OR52B4: variants seen among roughly 807,000 people sequenced by gnomAD.
The protein encoded by OR52B4 is olfactory receptor family 52 subfamily B member 4.
For missense variants in OR52B4, 450 were observed against 387.0 expected (o/e 1.16, Z -1.36); for synonymous variants, 182 against 142.3 (o/e 1.28, Z -1.98).
Position 4,368,091 on chromosome 11 carries a change from C to A in OR52B4, c.205G>T (p.Ala69Ser). The A allele has an allele frequency of 6.2e-7, 1 of 1,613,926 alleles. No individual in the cohort carries two copies. Among genetic ancestry groups the A allele is most frequent in the Non-Finnish European group, 8.5e-7 (1 of 1,179,964 alleles). ...EPMYLFLCML[A>S]GADIVLSTCT... ...GTGGAGAGGACAATGTCTGCTCCAGCCAGCATGCAGAGGAAGAGGTACATG... is the reference window on the plus strand; with the variant it reads ...GTGGAGAGGACAATGTCTGCTCCAGACAGCATGCAGAGGAAGAGGTACATG... Residue 69 changes from alanine (A) to serine (S), a missense_variant, in exon 1 of 1, where the codon GCT (alanine) becomes TCT (serine). Coordinates refer to ENST00000624801, the MANE Select transcript of OR52B4 (RefSeq NM_001005161.3).
rs2094935838 is a variant in OR52B4, at chr11:4,367,393, G to T, written c.903C>A (p.Ile301=). The T allele has an allele frequency of 6.2e-7, 1 of 1,609,188 alleles. No individual in the cohort carries two copies. The highest frequency in any genetic ancestry group is 1.3e-5 in the African/African-American group (1 of 74,762). ...PIIYGIKTKQ[I]QEQVVQFLFI... ...ACAAAAACTGAACCACCTGTTCCTGGATTTGCTTGGTTTTGATCCCATAAA... is the reference window on the plus strand; with the variant it reads ...ACAAAAACTGAACCACCTGTTCCTGTATTTGCTTGGTTTTGATCCCATAAA... The change falls in exon 1 of 1, where the codon ATC becomes ATA. Residue 301 remains isoleucine (I), a synonymous_variant. Coordinates refer to ENST00000624801, the MANE Select transcript of OR52B4 (RefSeq NM_001005161.3).
At position 4,367,635 on chromosome 11, in the gene OR52B4, T is replaced by C. The variant is rs2094936203; in HGVS notation, c.661A>G (p.Met221Val). 6.2e-7 allele frequency: 1 copy of C among 1,613,914 alleles called. No homozygotes were observed. Among genetic ancestry groups the C allele is most frequent in the African/African-American group, 1.3e-5 (1 of 74,896 alleles). The part of the protein sequence containing the change: ...LDVVLIFISY[M>V]LILHAVFHMP... ...TGGAAGACAGCATGGAGAATCAGCA[T>C]ATAGGAAATAAAAATTAGTACAACA... Residue 221 changes from methionine (M) to valine (V), a missense_variant, in exon 1 of 1, where the codon ATG becomes GTG. Transcript: ENST00000624801.
rs61732898 is a variant in OR52B4, at chr11:4,367,649, A to G, written c.647T>C (p.Ile216Thr). The G allele has an allele frequency of 1.5e-3, 2,476 of 1,614,020 alleles. 41 individuals carry two copies. The African/African-American group carries it at 0.029, about 19-fold the overall frequency. ...GAGAATCAGCATATAGGAAATAAAA[A>G]TTAGTACAACATCTAAGACCACCGT... The part of the protein sequence containing the change: ...MSTVVLDVVL[I>T]FISYMLILHA... Residue 216 changes from isoleucine (I) to threonine (T), a missense_variant, in exon 1 of 1, where the codon ATT (isoleucine) becomes ACT (threonine). Physicochemically the swap from Ile to Thr is moderately conservative, Grantham distance 89. Coordinates refer to ENST00000624801, the MANE Select transcript of OR52B4 (RefSeq NM_001005161.3).
chr11:4,367,538 A>T lies in OR52B4; in HGVS notation c.758T>A (p.Phe253Tyr), dbSNP rs1436016189. ...GATTGTGAAGATGCCAGACCCATAA[A>T]AGAGGATGATGATGCAGACATGGGA... is the stretch of plus-strand genomic sequence containing the variant. The part of the protein sequence containing the change: ...FGSHVCIIIL[F>Y]YGSGIFTILT... Residue 253 changes from phenylalanine to tyrosine, a missense_variant, in exon 1 of 1, where the codon TTT (phenylalanine) becomes TAT (tyrosine). Coordinates refer to ENST00000624801, the MANE Select transcript of OR52B4 (RefSeq NM_001005161.3). 9.9e-6 allele frequency: 16 copies of T among 1,613,926 alleles called. No homozygotes were observed. The highest frequency in any genetic ancestry group is 2.7e-5 in the African/African-American group (2 of 74,902).
In OR52B4 at chr11:4,367,725, A is replaced by G; in HGVS notation, c.571T>C (p.Cys191Arg). The G allele has an allele frequency of 4.3e-6, 7 of 1,613,880 alleles. No homozygotes were observed. The highest frequency in any genetic ancestry group is 2.2e-5 in the South Asian group (2 of 91,080). ...CEHIGLAKYA[C>R]NDIRINIWYG... Reference sequence around the variant, plus strand: ...CAAATGTTTATTCGAATGTCATTACATGCATATTTGGCTAGGCCAATGTGT... The same window carrying G: ...CAAATGTTTATTCGAATGTCATTACGTGCATATTTGGCTAGGCCAATGTGT... The change falls in exon 1 of 1, where the codon TGT becomes CGT. Residue 191 changes from cysteine to arginine, a missense_variant. Transcript: ENST00000624801.
In OR52B4 at chr11:4,368,114, A is replaced by C. The variant is rs375237440; in HGVS notation, c.182T>G (p.Met61Arg). 43 of 1,614,046 alleles carry C rather than the reference A, an allele frequency of 2.7e-5. No individual in the cohort carries two copies. The African/African-American group carries it at 5.7e-4, about 22-fold the overall frequency. The change falls in exon 1 of 1, where the codon ATG (methionine) becomes AGG (arginine). Residue 61 changes from methionine to arginine, a missense_variant. Transcript: ENST00000624801. ...AGCCAGCATGCAGAGGAAGAGGTAC[A>C]TGGGTTCATGGAGGCTGCGCTTTGT... ...ILTKRSLHEPMYLFLCMLAGA... is the reference protein window; with the variant it reads ...ILTKRSLHEPRYLFLCMLAGA...
Position 4,367,495 on chromosome 11 carries a change from T to C in OR52B4, c.801A>G (p.Gly267=), listed in dbSNP as rs1290578748. ...TGTGGATACAAGGTGGAATGTGGCG[T>C]CCAAACCTCTGGGTAAGGATTGTGA... ...GIFTILTQRF[G]RHIPPCIHIP... The change falls in exon 1 of 1, where the codon GGA becomes GGG. Residue 267 remains glycine (G), a synonymous_variant. Transcript: ENST00000624801. The C allele has an allele frequency of 1.2e-6, 2 of 1,613,876 alleles. No homozygotes were observed. Among genetic ancestry groups the C allele is most frequent in the East Asian group, 4.5e-5 (2 of 44,872 alleles).
chr11:4,368,272 G>A lies in OR52B4; in HGVS notation c.24C>T (p.Gly8=). The A allele has an allele frequency of 6.2e-7, 1 of 1,610,758 alleles. No individual in the cohort carries two copies. Among genetic ancestry groups the A allele is most frequent in the East Asian group, 2.2e-5 (1 of 44,830 alleles). ...GCAAGTGGAAGACTGTGTGGCTAGT[G>A]CCACTGTGGTTTACAGTAGGCATAG... The part of the protein sequence containing the change: MPTVNHS[G]TSHTVFHLLG... Residue 8 remains glycine, a synonymous_variant, in exon 1 of 1, where the codon GGC becomes GGT. Coordinates refer to ENST00000624801, the MANE Select transcript of OR52B4 (RefSeq NM_001005161.3).
Position 4,367,298 on chromosome 11 carries a change from T to C in OR52B4, c.*53A>G. 2.6e-6 allele frequency: 3 copies of C among 1,173,878 alleles called. No homozygotes were observed. The highest frequency in any genetic ancestry group is 1.5e-5 in the African/African-American group (1 of 65,584). The allele number at this position is 1,173,878 out of a possible 1,614,324, so 72.7% of individuals were successfully genotyped here. On this transcript the variant is annotated 3_prime_UTR_variant, in exon 1 of 1. Coordinates refer to ENST00000624801, the MANE Select transcript of OR52B4 (RefSeq NM_001005161.3). ...TGACCTCTCCCATCTACCACTTTCA[T>C]ACCCACTTACCAGATAGCTAGAGAT... is the stretch of plus-strand genomic sequence containing the variant.
At position 4,367,408 on chromosome 11, in the gene OR52B4, G is replaced by C. The variant is rs767995535; in HGVS notation, c.888C>G (p.Ile296Met). Residue 296 changes from isoleucine to methionine, a missense_variant, in exon 1 of 1, where the codon ATC (isoleucine) becomes ATG (methionine). Physicochemically the swap from Ile to Met is conservative, Grantham distance 10. Transcript: ENST00000624801. The stretch of plus-strand genomic sequence containing the variant: ...CCTGTTCCTGGATTTGCTTGGTTTT[G>C]ATCCCATAAATAATGGGATTCAGCA... Reference protein sequence around the residue: ...PPMLNPIIYGIKTKQIQEQVV... With the variant: ...PPMLNPIIYGMKTKQIQEQVV... 6.2e-6 allele frequency: 10 copies of C among 1,613,180 alleles called. No homozygotes were observed. Among genetic ancestry groups the C allele is most frequent in the Non-Finnish European group, 5.1e-6 (6 of 1,179,460 alleles).
In OR52B4 at chr11:4,367,709, A is replaced by G; in HGVS notation, c.587T>C (p.Ile196Thr). ...LAKYACNDIR[I>T]NIWYGFSILM... is the part of the protein sequence containing the mutation. ...AATGGAAAACCCATACCAAATGTTTATTCGAATGTCATTACATGCATATTT... is the reference window on the plus strand; with the variant it reads ...AATGGAAAACCCATACCAAATGTTTGTTCGAATGTCATTACATGCATATTT... Residue 196 changes from isoleucine (I) to threonine (T), a missense_variant, in exon 1 of 1, where the codon ATA (isoleucine) becomes ACA (threonine). By Grantham distance (89) the Ile-to-Thr change is moderately conservative (BLOSUM62 -1). Transcript: ENST00000624801. 2.5e-6 allele frequency: 4 copies of G among 1,613,912 alleles called. No individual in the cohort carries two copies. Among genetic ancestry groups the G allele is most frequent in the Non-Finnish European group, 3.4e-6 (4 of 1,179,820 alleles).
In OR52B4 at chr11:4,367,952, C is replaced by T. The variant is rs752989984; in HGVS notation, c.344G>A (p.Gly115Glu). ...FIHSTFISESGILLVMAFDHY... is the reference protein window; with the variant it reads ...FIHSTFISESEILLVMAFDHY... ...GTCAAAGGCCATCACCAGCAAGATCCCTGACTCAGAGATGAAGGTGGAATG... is the reference window on the plus strand; with the variant it reads ...GTCAAAGGCCATCACCAGCAAGATCTCTGACTCAGAGATGAAGGTGGAATG... The change falls in exon 1 of 1, where the codon GGG becomes GAG. Residue 115 changes from glycine to glutamate, a missense_variant. Gly to Glu is a moderately conservative substitution (Grantham distance 98). Coordinates refer to ENST00000624801, the MANE Select transcript of OR52B4 (RefSeq NM_001005161.3). The T allele has an allele frequency of 3.1e-6, 5 of 1,613,664 alleles. No individual in the cohort carries two copies. Among genetic ancestry groups the T allele is most frequent in the Non-Finnish European group, 2.5e-6 (3 of 1,179,826 alleles).
chr11:4,367,746 T>C lies in OR52B4; in HGVS notation c.550A>G (p.Ile184Val), dbSNP rs1275758164. Residue 184 changes from isoleucine to valine, a missense_variant, in exon 1 of 1, where the codon ATT (isoleucine) becomes GTT (valine). Physicochemically the swap from Ile to Val is conservative, Grantham distance 29. Transcript: ENST00000624801. ...TTACATGCATATTTGGCTAGGCCAA[T>C]GTGTTCACAAAAGGTGTGTGGAATA... Reference protein sequence around the residue: ...NIIPHTFCEHIGLAKYACNDI... With the variant: ...NIIPHTFCEHVGLAKYACNDI... 5.0e-6 allele frequency: 8 copies of C among 1,613,996 alleles called. No individual in the cohort carries two copies. Among genetic ancestry groups the C allele is most frequent in the African/African-American group, 1.3e-5 (1 of 75,034 alleles).
rs750202539 is a variant in OR52B4, at chr11:4,367,542, G to A, written c.754C>T (p.Leu252Phe). ...GTGAAGATGCCAGACCCATAAAAGAGGATGATGATGCAGACATGGGAGCCA... is the reference window on the plus strand; with the variant it reads ...GTGAAGATGCCAGACCCATAAAAGAAGATGATGATGCAGACATGGGAGCCA... ...TFGSHVCIII[L>F]FYGSGIFTIL... Residue 252 changes from leucine (L) to phenylalanine (F), a missense_variant, in exon 1 of 1, where the codon CTC becomes TTC. Physicochemically the swap from Leu to Phe is conservative, Grantham distance 22 (BLOSUM62 0). Transcript: ENST00000624801. 6 of 1,614,022 alleles carry A rather than the reference G, an allele frequency of 3.7e-6. No homozygotes were observed. The South Asian group carries it at 6.6e-5, about 18-fold the overall frequency.
chr11:4,368,107 G>A lies in OR52B4; in HGVS notation c.189C>T (p.Leu63=). 2.5e-6 allele frequency: 4 copies of A among 1,614,000 alleles called. No individual in the cohort carries two copies. Among genetic ancestry groups the A allele is most frequent in the Non-Finnish European group, 3.4e-6 (4 of 1,179,978 alleles). Residue 63 remains leucine (L), a synonymous_variant, in exon 1 of 1, where the codon CTC becomes CTT. Transcript: ENST00000624801. ...CTGCTCCAGCCAGCATGCAGAGGAAGAGGTACATGGGTTCATGGAGGCTGC... is the reference window on the plus strand; with the variant it reads ...CTGCTCCAGCCAGCATGCAGAGGAAAAGGTACATGGGTTCATGGAGGCTGC... ...TKRSLHEPMY[L]FLCMLAGADI...
rs536153648 is a variant in OR52B4 at position 4,368,371 on chromosome 11, G to T, written c.-76C>A. The T allele has an allele frequency of 2.6e-5, 19 of 720,764 alleles. No individual in the cohort carries two copies. The highest frequency in any genetic ancestry group is 2.3e-4 in the African/African-American group (13 of 56,396). The allele number at this position is 720,764 out of a possible 1,614,324, so 44.6% of individuals were successfully genotyped here. On this transcript the variant is annotated 5_prime_UTR_variant, in exon 1 of 1. Transcript: ENST00000624801. ...AGATAAAATCTGCAACATTCTTTGC[G>T]ATGTCACCAGGAGCTTATGGCATAT... is the stretch of plus-strand genomic sequence containing the variant.
Position 4,367,766 on chromosome 11 carries a change from G to C in OR52B4, c.530C>G (p.Pro177Arg). The C allele has an allele frequency of 6.2e-7, 1 of 1,613,778 alleles. No homozygotes were observed. The highest frequency in any genetic ancestry group is 8.5e-7 in the Non-Finnish European group (1 of 1,179,772). ...GCCAATGTGTTCACAAAAGGTGTGT[G>C]GAATAATATTATTCTGGCAGAAAGT... ...RLTFCQNNII[P>R]HTFCEHIGLA... is the part of the protein sequence containing the mutation. The change falls in exon 1 of 1, where the codon CCA becomes CGA. Residue 177 changes from proline (P) to arginine (R), a missense_variant. By Grantham distance (103) the Pro-to-Arg change is moderately radical. Transcript: ENST00000624801.
Position 4,367,941 on chromosome 11 carries a change from C to G in OR52B4, c.355G>C (p.Val119Leu). 1 of 1,613,974 alleles carries G rather than the reference C, an allele frequency of 6.2e-7. No homozygotes were observed. Among genetic ancestry groups the G allele is most frequent in the Non-Finnish European group, 8.5e-7 (1 of 1,179,974 alleles). Residue 119 changes from valine to leucine, a missense_variant, in exon 1 of 1, where the codon GTG becomes CTG. Transcript: ENST00000624801. ...GCAATATAGTGGTCAAAGGCCATCA[C>G]CAGCAAGATCCCTGACTCAGAGATG... ...TFISESGILL[V>L]MAFDHYIAIC...
Position 4,367,735 on chromosome 11 carries a change from G to A in OR52B4, c.561C>T (p.Ala187=). The A allele has an allele frequency of 6.2e-7, 1 of 1,613,784 alleles. No individual in the cohort carries two copies. The highest frequency in any genetic ancestry group is 8.5e-7 in the Non-Finnish European group (1 of 1,179,808). The change falls in exon 1 of 1, where the codon GCC becomes GCT. Residue 187 remains alanine (A), a synonymous_variant. Transcript: ENST00000624801. ...TTCGAATGTCATTACATGCATATTT[G>A]GCTAGGCCAATGTGTTCACAAAAGG... ...PHTFCEHIGL[A]KYACNDIRIN...
Sources: gnomAD v4.1 joint callset for allele counts on GRCh38, gnomAD v4.1.1 for gene constraint, MANE v1.5 for transcripts, NCBI Gene and HGNC (gene_info 2026-07-23, HGNC 2026-07-21) for gene names.